SCRG1: variants seen among roughly 807,000 people sequenced by gnomAD.
SCRG1 encodes scrapie-responsive protein 1.
SCRG1 carries 3 observed loss-of-function variants against 7.7 expected under a neutral mutation model. The observed-to-expected ratio is 0.39, with a 90% confidence interval of 0.18 to 1.01. The LOEUF (loss-of-function observed/expected upper bound fraction) is 1.01. Ranked by LOEUF, SCRG1 falls within the 50% of genes least tolerant of loss-of-function variation. SCRG1 has a pLI of 0.36. For missense variants in SCRG1, 110 were observed against 117.2 expected (o/e 0.94, Z 0.28); for synonymous variants, 46 against 41.2 (o/e 1.12, Z -0.44).
chr4:173,422,408 C>A, the SCRG1 span, among the ~76,000 whole-genome samples: 1 of 152,116 alleles, frequency 6.6e-6, no homozygotes, highest in Non-Finnish European at 1.5e-5. Flanking sequence ...AATTAGGTCC[C>A]TAATTATTTA....
the SCRG1 span, among the ~76,000 whole-genome samples, chr4:173,476,359 A>AT: frequency 1.6e-4 from 4 of 24,254 alleles, no homozygotes; most frequent in African/African-American, 4.0e-4. Context: ...AGGGGGAAAA[A>AT]AAAAATATAT....
upstream of SCRG1, among the ~76,000 whole-genome samples, chr4:173,401,875 C>T (rs998468585): frequency 6.6e-6 from 1 of 152,326 alleles, no homozygotes; most frequent in East Asian, 1.9e-4. Context: ...GCTTGTCATT[C>T]ATCCTGATGT....
the SCRG1 span, among the ~76,000 whole-genome samples, chr4:173,471,742 T>A: frequency 6.6e-6 from 1 of 152,172 alleles, no homozygotes; most frequent in Admixed American, 6.5e-5. Flanking sequence ...GCTTTTTTGC[T>A]CTTGTTGCCC....
chr4:173,475,839 T>A, the SCRG1 span, among the ~76,000 whole-genome samples: 1 of 152,060 alleles, frequency 6.6e-6, no homozygotes, highest in Non-Finnish European at 1.5e-5. Context: ...AAGCCAGTAA[T>A]AAAAAGACAA....
the SCRG1 span, among the ~76,000 whole-genome samples, chr4:173,510,669 T>C: frequency 6.6e-6 from 1 of 152,072 alleles, no homozygotes; most frequent in Non-Finnish European, 1.5e-5. The surrounding 1 kb of genome is among the most constrained non-coding windows in gnomAD (Gnocchi z 5.7). Context: ...GTGAATCCAC[T>C]CTAGTTGGGA....
chr4:173,423,775 G>A, the SCRG1 span, among the ~76,000 whole-genome samples: 2 of 151,838 alleles, frequency 1.3e-5, no homozygotes, highest in Non-Finnish European at 2.9e-5. Flanking sequence ...TTACAGACTG[G>A]GTAGTTTATA....
chr4:173,439,022 A>G, the SCRG1 span, among the ~76,000 whole-genome samples: 1 of 151,902 alleles, frequency 6.6e-6, no homozygotes. Flanking sequence ...TGATGTATAC[A>G]CTTCTGGGGC....
At chr4:173,483,979 T>A in the SCRG1 span, among the ~76,000 whole-genome samples, 1 of 38,858 alleles carries the variant, frequency 2.6e-5, no homozygotes, top group Non-Finnish European at 5.6e-5. Flanking sequence ...ATATAATATA[T>A]AGTATATTAT....
the SCRG1 span, among the ~76,000 whole-genome samples, chr4:173,513,136 T>C: frequency 6.6e-6 from 1 of 152,300 alleles, no homozygotes; most frequent in Non-Finnish European, 1.5e-5. Flanking sequence ...TCATTTTGAG[T>C]TGGAGAGAGG....
exon 2 of SCRG1, chr4:173,404,315 T>C (rs1739843395): frequency 6.6e-6 from 1 of 152,234 alleles, no homozygotes; most frequent in Non-Finnish European, 1.5e-5. Context: ...CTGCTCTCTG[T>C]GAGCCACAGA....
chr4:173,479,096 C>A, the SCRG1 span, among the ~76,000 whole-genome samples: 3 of 151,998 alleles, frequency 2.0e-5, no homozygotes, highest in South Asian at 6.2e-4. Flanking sequence ...TGGATGACAG[C>A]ATGACATTCA....
chr4:173,452,568 A>G, the SCRG1 span, among the ~76,000 whole-genome samples: 1 of 152,190 alleles, frequency 6.6e-6, no homozygotes, highest in South Asian at 2.1e-4. Flanking sequence ...TTTAGAGGCA[A>G]TTAGGCATCC....
chr4:173,446,526 T>C, the SCRG1 span: 1 of 152,226 alleles, frequency 6.6e-6, no homozygotes, highest in Non-Finnish European at 1.5e-5. Flanking sequence ...GGGGGTAGGA[T>C]TTGAAGCCAG....
At chr4:173,410,338 A>G (rs140630903), upstream of SCRG1, among the ~76,000 whole-genome samples, 1 of 152,248 alleles carries the variant, frequency 6.6e-6, no homozygotes, top group Non-Finnish European at 1.5e-5. Flanking sequence ...TTGGGCGTCC[A>G]TATGCACAGT....
rs779506741 is a variant in SCRG1, at chr4:173,386,104, T to A, written c.*2237A>T. 2 of 152,180 alleles carry A rather than the reference T, an allele frequency of 1.3e-5. No homozygotes were observed. Among genetic ancestry groups the A allele is most frequent in the Non-Finnish European group, 2.9e-5 (2 of 68,016 alleles). 9.4% of individuals were successfully genotyped at this position (152,180 alleles called of 1,614,324 possible). On this transcript the variant is annotated 3_prime_UTR_variant, in exon 3 of 3. Transcript: ENST00000296506. ...TCATGTATTTTATAGGAGCTTACAC[T>A]GTTCGAAAACATGTTCTGACTTGTG...
At chr4:173,483,318 T>C in the SCRG1 span, among the ~76,000 whole-genome samples, 1 of 57,400 alleles carries the variant, frequency 1.7e-5, no homozygotes. Flanking sequence ...ATATTACATA[T>C]CATATATTAT....
rs114318658 is a variant in SCRG1 at position 173,385,503 on chromosome 4, G to T, written c.*2838C>A. ...AAAAAAATCTATTGTTTTTAAAAAT[G>T]CATTGACCAAGTTAGAGAAATAGTT... On this transcript the variant is annotated 3_prime_UTR_variant, in exon 3 of 3. Transcript: ENST00000296506. 1 of 151,770 alleles carries T rather than the reference G, an allele frequency of 6.6e-6. No individual in the cohort carries two copies. Among genetic ancestry groups the T allele is most frequent in the Admixed American group, 6.6e-5 (1 of 15,228 alleles). 9.4% of individuals were successfully genotyped at this position (151,770 alleles called of 1,614,324 possible).
At chr4:173,403,268 A>C (rs530573747), upstream of SCRG1, 1 of 152,298 alleles carries the variant, frequency 6.6e-6, no homozygotes, top group East Asian at 1.9e-4. Context: ...CCCTGCAGGG[A>C]GAGAAATGCT....
At chr4:173,462,949 C>A in the SCRG1 span, among the ~76,000 whole-genome samples, 2 of 152,016 alleles carry the variant, frequency 1.3e-5, no homozygotes, top group Admixed American at 1.3e-4. Flanking sequence ...AAAAAACATA[C>A]AACGGACACA....
Sources: gnomAD v4.1 joint callset for allele counts (sites outside exome capture counted in the v4.1 genomes callset) on GRCh38, gnomAD v4.1.1 for gene constraint, Gnocchi (gnomAD v3.1) non-coding constraint, MANE v1.5 for transcripts, NCBI Gene and HGNC (gene_info 2026-07-23, HGNC 2026-07-21) for gene names.